The following QTMAN variants were observed in gnomAD, a reference collection of about 807,000 sequenced individuals.
QTMAN encodes the protein queuosine-tRNA mannosyltransferase, also known as tRNA-queuosine alpha-mannosyltransferase.
chr2:144,286,764 T>G, the QTMAN span, among the ~76,000 whole-genome samples: 1 of 152,174 alleles, frequency 6.6e-6, no homozygotes, highest in Admixed American at 6.5e-5. Context: ...CTCCACAGAT[T>G]TGAGTGAAGA....
chr2:144,253,355 A>G, the QTMAN span, among the ~76,000 whole-genome samples: 3 of 152,192 alleles, frequency 2.0e-5, no homozygotes, highest in African/African-American at 7.2e-5. Context: ...GGGTGCTGCT[A>G]TAAAGACAGC....
the QTMAN span, among the ~76,000 whole-genome samples, chr2:144,071,397 C>A: frequency 1.3e-5 from 2 of 151,742 alleles, no homozygotes; most frequent in African/African-American, 2.4e-5. Flanking sequence ...AAATTAATCC[C>A]GATTATGCAA....
the QTMAN span, among the ~76,000 whole-genome samples, chr2:144,288,149 G>A: frequency 1.6e-4 from 25 of 152,016 alleles, no homozygotes; most frequent in Admixed American, 9.8e-4. Context: ...GATTACAGGC[G>A]TGAGCCACCG....
chr2:144,257,176 A>T, the QTMAN span, among the ~76,000 whole-genome samples: 2 of 151,948 alleles, frequency 1.3e-5, no homozygotes, highest in African/African-American at 2.4e-5. Context: ...AACTATTTTT[A>T]AAAATCTGCC....
At chr2:144,005,518 C>T in the QTMAN span, among the ~76,000 whole-genome samples, 1 of 152,076 alleles carries the variant, frequency 6.6e-6, no homozygotes, top group Non-Finnish European at 1.5e-5. Context: ...ATGTGTCTGG[C>T]AACCTCCAAG....
chr2:143,980,423 C>T, the QTMAN span, among the ~76,000 whole-genome samples: 1 of 152,120 alleles, frequency 6.6e-6, no homozygotes, highest in Non-Finnish European at 1.5e-5. Context: ...TTGTAAGTTC[C>T]TCGAGGGCAG....
the QTMAN span, among the ~76,000 whole-genome samples, chr2:143,987,257 T>C: frequency 1.3e-5 from 2 of 152,170 alleles, no homozygotes; most frequent in African/African-American, 2.4e-5. Flanking sequence ...CCAGGGATCA[T>C]GTACACCAGA....
the QTMAN span, chr2:144,145,892 T>C: frequency 4.8e-6 from 2 of 412,626 alleles, no homozygotes; most frequent in Non-Finnish European, 8.5e-6. Flanking sequence ...TGTAGCAGCA[T>C]TCTAAGTTTT....
At chr2:143,991,394 GC>G in the QTMAN span, among the ~76,000 whole-genome samples, 1 of 151,476 alleles carries the variant, frequency 6.6e-6, no homozygotes, top group Admixed American at 6.5e-5. Flanking sequence ...TGGGGGGTCA[GC>G]CCCCCGCCCG....
At chr2:144,181,295 C>A in the QTMAN span, among the ~76,000 whole-genome samples, 16 of 152,158 alleles carry the variant, frequency 1.1e-4, no homozygotes, top group Non-Finnish European at 2.2e-4. Context: ...AAATTAAAGA[C>A]AACTAATGCA....
the QTMAN span, among the ~76,000 whole-genome samples, chr2:144,155,391 T>C: frequency 6.6e-6 from 1 of 152,228 alleles, no homozygotes. Flanking sequence ...CTGAGTGTGC[T>C]GGGAACACTT....
At chr2:143,952,177 T>C in the QTMAN span, 1 of 699,722 alleles carries the variant, frequency 1.4e-6, no homozygotes. Context: ...CTGTGCCGCC[T>C]CGTGTTTTAC....
chr2:144,248,480 A>G, the QTMAN span, among the ~76,000 whole-genome samples: 1 of 152,352 alleles, frequency 6.6e-6, no homozygotes, highest in African/African-American at 2.4e-5. Context: ...CTATTTAAAT[A>G]GCGTCACCTA....
the QTMAN span, among the ~76,000 whole-genome samples, chr2:144,315,039 C>T: frequency 6.6e-6 from 1 of 152,180 alleles, no homozygotes; most frequent in African/African-American, 2.4e-5. Context: ...GCACGCACCA[C>T]CATCCCCGGC....
the QTMAN span, among the ~76,000 whole-genome samples, chr2:144,229,938 A>G: frequency 6.6e-6 from 1 of 152,200 alleles, no homozygotes; most frequent in Non-Finnish European, 1.5e-5. Context: ...AATAAGCATA[A>G]TAACTATAGT....
the QTMAN span, among the ~76,000 whole-genome samples, chr2:144,135,790 T>G: frequency 6.6e-6 from 1 of 152,148 alleles, no homozygotes; most frequent in African/African-American, 2.4e-5. Flanking sequence ...AAAACAGTAT[T>G]AAAAAGTATC....
chr2:144,284,258 G>A, the QTMAN span, among the ~76,000 whole-genome samples: 1 of 151,440 alleles, frequency 6.6e-6, no homozygotes. Flanking sequence ...ACCTCCCATG[G>A]AAAAAAATCA....
the QTMAN span, chr2:143,951,867 C>T: frequency 1.7e-6 from 1 of 603,424 alleles, no homozygotes. Flanking sequence ...ACTAATATCC[C>T]TCCCTAGCAT....
the QTMAN span, among the ~76,000 whole-genome samples, chr2:144,301,770 T>C: frequency 2.6e-5 from 4 of 152,134 alleles, no homozygotes; most frequent in African/African-American, 9.7e-5. Flanking sequence ...CCACAAACAG[T>C]GGCCTCAAAG....
Sources: gnomAD v4.1 joint callset for allele counts (sites outside exome capture counted in the v4.1 genomes callset) on GRCh38, gnomAD v4.1.1 for gene constraint, MANE v1.5 for transcripts, NCBI Gene and HGNC (gene_info 2026-07-23, HGNC 2026-07-21) for gene names.